ABCA13: variants seen among roughly 807,000 people sequenced by gnomAD.
The protein encoded by ABCA13 is ATP binding cassette subfamily A member 13.
A neutral mutation model predicts 478.7 loss-of-function variants in ABCA13; 476 were observed. That is an observed-to-expected ratio of 0.99 (90% confidence interval 0.92 to 1.07). ABCA13 has a LOEUF of 1.07. Ranked by LOEUF, ABCA13 falls within the 50% of genes least tolerant of loss-of-function variation. ABCA13 has a pLI of 0.00. For missense variants in ABCA13, 6,060 were observed against 5,910.6 expected (o/e 1.03, Z -0.83); for synonymous variants, 2,252 against 2,158.9 (o/e 1.04, Z -1.20).
chr7:48,430,502 C>T (rs150065744), intron 42 of ABCA13, among the ~76,000 whole-genome samples: 2,186 of 151,946 alleles, frequency 0.014, 47 homozygotes, highest in African/African-American at 0.05. Flanking sequence ...GGTGAAACCC[C>T]GTCTCCACTA....
intron 44 of ABCA13, among the ~76,000 whole-genome samples, chr7:48,470,129 A>G (rs1827325149): frequency 1.3e-5 from 2 of 152,224 alleles, no homozygotes; most frequent in South Asian, 4.1e-4. Flanking sequence ...AAGAAAAATT[A>G]TGTAGAAACT....
chr7:48,308,179 C>G (rs953756175), intron 23 of ABCA13, among the ~76,000 whole-genome samples: 3 of 152,136 alleles, frequency 2.0e-5, no homozygotes, highest in African/African-American at 7.2e-5. Flanking sequence ...ACAGTCTAGT[C>G]TAGGCCTACA....
intron 55 of ABCA13, among the ~76,000 whole-genome samples, chr7:48,531,555 T>A (rs926625070): frequency 1.3e-4 from 19 of 151,994 alleles, no homozygotes; most frequent in African/African-American, 4.3e-4. Flanking sequence ...TGATGGGAAT[T>A]CCACTGAAAT....
chr7:48,544,653 T>C (rs907749475), intron 55 of ABCA13, among the ~76,000 whole-genome samples: 4 of 151,880 alleles, frequency 2.6e-5, no homozygotes, highest in Non-Finnish European at 5.9e-5. Flanking sequence ...TATACATCTT[T>C]TCATTTCTAT....
intron 55 of ABCA13, among the ~76,000 whole-genome samples, chr7:48,562,588 A>G (rs545708327): frequency 6.6e-6 from 1 of 152,172 alleles, no homozygotes; most frequent in Non-Finnish European, 1.5e-5. Context: ...AAATAGAATC[A>G]AATATAATTC....
chr7:48,328,348 G>A (rs952504251), intron 27 of ABCA13, among the ~76,000 whole-genome samples: 3 of 152,170 alleles, frequency 2.0e-5, no homozygotes, highest in Non-Finnish European at 4.4e-5. Context: ...TTATTGGAAA[G>A]CAAGTTGTCC....
At chr7:48,524,209 T>A (rs1832740655) in intron 53 of ABCA13, 39 bp from the exon 54 acceptor site, 1 of 1,574,502 alleles carries the variant, frequency 6.4e-7, no homozygotes, top group Non-Finnish European at 8.7e-7. Flanking sequence ...TCTGGTATCA[T>A]TTGCTAGGTG....
intron 58 of ABCA13, among the ~76,000 whole-genome samples, chr7:48,613,455 G>A (rs566760665): frequency 6.6e-6 from 1 of 152,122 alleles, no homozygotes; most frequent in African/African-American, 2.4e-5. Context: ...CTCCCAAAGT[G>A]CTGGGATTAC....
intron 55 of ABCA13, among the ~76,000 whole-genome samples, chr7:48,566,610 T>G (rs1386092520): frequency 2.0e-5 from 3 of 152,168 alleles, no homozygotes; most frequent in African/African-American, 7.2e-5. Context: ...GCTGAAAGGC[T>G]TTATTATCAT....
At chr7:48,611,340 G>C (rs1207882901) in intron 58 of ABCA13, among the ~76,000 whole-genome samples, 1 of 152,136 alleles carries the variant, frequency 6.6e-6, no homozygotes, top group African/African-American at 2.4e-5. Context: ...CCTCCAAACT[G>C]TTCCAACCTC....
intron 1 of ABCA13, among the ~76,000 whole-genome samples, chr7:48,177,365 A>G (rs1795019465): frequency 6.6e-6 from 1 of 152,218 alleles, no homozygotes; most frequent in African/African-American, 2.4e-5. Flanking sequence ...CTATGGCTAG[A>G]GGTCCTTGGG....
Position 48,298,428 on chromosome 7 carries a change from A to T in ABCA13, c.9262A>T (p.Ile3088Phe), listed in dbSNP as rs967341808. ...GTTGACTGAGGAGCTTCGCTCTTCCATCCAAATCTCGAATGAGACTATCCA... is the reference window on the plus strand; with the variant it reads ...GTTGACTGAGGAGCTTCGCTCTTCCTTCCAAATCTCGAATGAGACTATCCA... ...TKLTEELRSS[I>F]QISNETIHSI... Residue 3088 changes from isoleucine (I) to phenylalanine (F), a missense_variant, in exon 23 of 62, where the codon ATC (isoleucine) becomes TTC (phenylalanine). Physicochemically the swap from Ile to Phe is conservative, Grantham distance 21. This residue lies in a region of ABCA13 where 4,423 missense variants were observed against 4,309.1 expected (regional missense o/e 1.03). Coordinates refer to ENST00000435803, the MANE Select transcript of ABCA13 (RefSeq NM_152701.5). 2 of 1,613,480 alleles carry T rather than the reference A, an allele frequency of 1.2e-6. No individual in the cohort carries two copies. Among genetic ancestry groups the T allele is most frequent in the Non-Finnish European group, 1.7e-6 (2 of 1,179,522 alleles).
At chr7:48,476,789 T>C (rs892605696) in intron 45 of ABCA13, among the ~76,000 whole-genome samples, 12 of 152,136 alleles carry the variant, frequency 7.9e-5, no homozygotes, top group African/African-American at 2.9e-4. Flanking sequence ...GAGCATGGCA[T>C]GTGCTTAACA....
At chr7:48,427,957 A>T in intron 42 of ABCA13, 86 bp downstream of exon 42, 1 of 950,118 alleles carries the variant, frequency 1.1e-6, no homozygotes. Flanking sequence ...AAAGTTGTAT[A>T]GCAAGGTTCT....
chr7:48,353,553 G>A (rs571633887), intron 31 of ABCA13, among the ~76,000 whole-genome samples: 2 of 151,386 alleles, frequency 1.3e-5, no homozygotes, highest in East Asian at 2.0e-4. Flanking sequence ...CCCCTGACTG[G>A]GGCAGAGCCA....
chr7:48,249,874 G>T (rs1053434197), intron 15 of ABCA13, among the ~76,000 whole-genome samples: 21 of 151,634 alleles, frequency 1.4e-4, no homozygotes, highest in Middle Eastern at 3.4e-3. Context: ...ACACTAACTG[G>T]GTGTCCTACA....
At chr7:48,293,091 C>A (rs190501013) in intron 20 of ABCA13, among the ~76,000 whole-genome samples, 1 of 151,978 alleles carries the variant, frequency 6.6e-6, no homozygotes, top group African/African-American at 2.4e-5. Context: ...TGGTTTAGTT[C>A]CCCCCACAGT....
rs369155624 is a variant in ABCA13, at chr7:48,528,353, A to G, written c.14354+8A>G. 6 of 1,521,790 alleles carry G rather than the reference A, an allele frequency of 3.9e-6. No individual in the cohort carries two copies. The African/African-American group carries it at 6.9e-5, about 18-fold the overall frequency. The allele number at this position is 1,521,790 out of a possible 1,614,324, so 94.3% of individuals were successfully genotyped here. A position where few individuals can be genotyped will look rare whatever the true frequency, so the allele number is the denominator to read the frequency against. On this transcript the variant is annotated splice_region_variant and intron_variant, in intron 55 of 61. Coordinates refer to ENST00000435803, the MANE Select transcript of ABCA13 (RefSeq NM_152701.5). The stretch of plus-strand genomic sequence containing the variant: ...CATCAGGACTCCCATGGGGTAAGAT[A>G]CAGATTTCATCATTTTTGTTGCTTA...
intron 49 of ABCA13, 46 bp from the exon 50 acceptor site, chr7:48,507,826 T>A (rs2130874507): frequency 6.5e-7 from 1 of 1,527,920 alleles, no homozygotes. Context: ...AAAGAAGGCT[T>A]GTGTTCTTCG....
Sources: allele counts gnomAD v4.1 joint callset (sites outside exome capture counted in the v4.1 genomes callset), GRCh38; gene constraint gnomAD v4.1.1; regional missense constraint gnomAD v4.1.1; transcripts MANE v1.5; gene names NCBI Gene and HGNC (gene_info 2026-07-23, HGNC 2026-07-21).